RASAL3: variants seen among roughly 807,000 people sequenced by gnomAD.
The protein encoded by RASAL3 is RAS protein activator like-3.
RASAL3 carries 74 observed loss-of-function variants against 105.5 expected under a neutral mutation model. The ratio of observed to expected loss-of-function variants is 0.70; its 90% CI spans 0.58 to 0.85. RASAL3 has a LOEUF of 0.85. Among genes scored for constraint, RASAL3 ranks in the 40% least tolerant of loss-of-function variants. The pLI is 0.00. For missense variants in RASAL3, 1,352 were observed against 1,392.0 expected, an observed-to-expected ratio of 0.97 and a Z score of 0.46; for synonymous variants, 579 against 591.6, an observed-to-expected ratio of 0.98 and a Z score of 0.31.
chr19:15,457,187 TC>T lies in RASAL3; in HGVS notation c.1431+104del, dbSNP rs1168996258. The T allele has an allele frequency of 2.1e-6, 2 of 974,076 alleles. No individual in the cohort carries two copies. Among genetic ancestry groups the T allele is most frequent in the East Asian group, 7.6e-5 (2 of 26,272 alleles). The allele number at this position is 974,076 out of a possible 1,614,324, so 60.3% of individuals were successfully genotyped here. On this transcript the variant is annotated intron_variant, in intron 9 of 17. Coordinates refer to ENST00000343625, the MANE Select transcript of RASAL3 (RefSeq NM_022904.3). This position sits in a 1 kb window ranked among gnomAD's most constrained non-coding sequence, Gnocchi z 8.6. ...GCCCCTCACACCCCTTCAAGGTGTC[TC>T]CCCCATTACAGGTGCAACTCAGGTC...
In RASAL3 at chr19:15,451,868, G is replaced by A; in HGVS notation, c.2963C>T (p.Ser988Phe). 4.3e-6 allele frequency: 7 copies of A among 1,609,202 alleles called. No individual in the cohort carries two copies. Among genetic ancestry groups the A allele is most frequent in the Non-Finnish European group, 5.1e-6 (6 of 1,176,072 alleles). ...ACTCCAAGACCCCCGCGTCCTTGGA[G>A]AAAGCTGCAGGCTCTGGACAGCATC... ...LRDAVQSLQLSPRTRGSWSQP... is the reference protein window; with the variant it reads ...LRDAVQSLQLFPRTRGSWSQP... The change falls in exon 18 of 18, where the codon TCT (serine) becomes TTT (phenylalanine). Residue 988 changes from serine to phenylalanine, a missense_variant. Ser to Phe is a radical substitution (Grantham distance 155). Transcript: ENST00000343625.
At position 15,461,533 on chromosome 19, in the gene RASAL3, A is replaced by C; in HGVS notation, c.403T>G (p.Trp135Gly). 1.3e-6 allele frequency: 2 copies of C among 1,539,032 alleles called. No individual in the cohort carries two copies. The highest frequency in any genetic ancestry group is 1.2e-5 in the South Asian group (1 of 82,188). The change falls in exon 3 of 18, where the codon TGG becomes GGG. Residue 135 changes from tryptophan to glycine, a missense_variant. By Grantham distance (184) the Trp-to-Gly change is radical. Around this residue, in one of 3 missense-constraint regions of RASAL3, gnomAD observed 344 missense variants for 339.6 expected, o/e 1.01. Transcript: ENST00000343625. ...AGCAGGGTGAAGCCCCCAATGTCCC[A>C]GACAGGCACGTTGGGTGTGGGGGCC... is the stretch of plus-strand genomic sequence containing the variant. ...PEAPTPNVPV[W>G]DIGGFTLLDG...
Position 15,454,811 on chromosome 19 carries a change from G to A in RASAL3, c.1804C>T (p.Arg602Ter), listed in dbSNP as rs1051135881. 11 of 1,592,228 alleles carry A rather than the reference G, an allele frequency of 6.9e-6. No individual in the cohort carries two copies. Among genetic ancestry groups the A allele is most frequent in the Admixed American group, 1.8e-5 (1 of 56,088 alleles). Residue 602 changes from arginine (R) to a stop codon, truncating the protein, a stop_gained, in exon 12 of 18, where the codon CGA becomes TGA. Coordinates refer to ENST00000343625, the MANE Select transcript of RASAL3 (RefSeq NM_022904.3). LOFTEE classifies it high-confidence loss of function. ...KERGSEVLGP[R>*]LVCASLFLRL... is the part of the protein sequence containing the mutation. The stretch of plus-strand genomic sequence containing the variant: ...AGGAAGAGGGAGGCGCACACCAGTC[G>A]GGGGCCCAGCACCTCAGAGCCACGT...
At chr19:15,452,194 G>C (rs1970172412) in intron 16 of RASAL3, 86 bp from the exon 17 acceptor site, 1 of 1,389,024 alleles carries the variant, frequency 7.2e-7, no homozygotes, top group Non-Finnish European at 1.0e-6. Context: ...GACTCCGGGG[G>C]CGGAGCTTGG....
At position 15,456,337 on chromosome 19, in the gene RASAL3, C is replaced by A; in HGVS notation, c.1577-89G>T. ...CTCCAACCTTGTCTTCAGGTTATTC[C>A]GGAGGCACCCAACATCTTGGGGAGC... is the stretch of plus-strand genomic sequence containing the variant. On this transcript the variant is annotated intron_variant, in intron 10 of 17. Transcript: ENST00000343625. The surrounding 1 kb of genome is among the most constrained non-coding windows in gnomAD (Gnocchi z 4.4). 6.4e-7 allele frequency: 1 copy of A among 1,559,570 alleles called. No homozygotes were observed.
intron 5 of RASAL3, 62 bp downstream of exon 5, chr19:15,460,998 G>A (rs1970488668): frequency 1.3e-6 from 2 of 1,517,362 alleles, no homozygotes; most frequent in Admixed American, 1.7e-5. Context: ...TGCCCTTTCA[G>A]CTTTGAGGGT....
intron 2 of RASAL3, among the ~76,000 whole-genome samples, chr19:15,461,882 A>G (rs761248264): frequency 2.0e-5 from 3 of 152,172 alleles, no homozygotes; most frequent in Non-Finnish European, 4.4e-5. Flanking sequence ...AAGCCATTCA[A>G]AGGGCTATGA....
intron 6 of RASAL3, 75 bp downstream of exon 6, chr19:15,460,128 G>A: frequency 8.0e-7 from 1 of 1,257,406 alleles, no homozygotes; most frequent in Non-Finnish European, 1.1e-6. Flanking sequence ...GTGTAGATTG[G>A]AATGATATGC....
At chr19:15,464,454 C>T (rs1330345464) in intron 1 of RASAL3, 51 bp downstream of exon 1, 3 of 1,233,638 alleles carry the variant, frequency 2.4e-6, no homozygotes, top group African/African-American at 1.5e-5. Context: ...TCCCCACCCT[C>T]AGCTCTGCCT....
intron 6 of RASAL3, among the ~76,000 whole-genome samples, chr19:15,459,366 C>G (rs774873062): frequency 6.6e-6 from 1 of 151,386 alleles, no homozygotes; most frequent in Non-Finnish European, 1.5e-5. Context: ...CTGCCTCAGC[C>G]TCCTGAGTAA....
rs1427009946 is a variant in RASAL3, at chr19:15,454,658, G to A, written c.1957C>T (p.Pro653Ser). Residue 653 changes from proline to serine, a missense_variant and splice_region_variant, in exon 12 of 18, where the codon CCG becomes TCG. Transcript: ENST00000343625. Reference protein sequence around the residue: ...KVIQNLANRAPFGEKEAYMGF... With the variant: ...KVIQNLANRASFGEKEAYMGF... ...CACCCCTAGCTTCCCAGCACCTACG[G>A]GGCACGGTTGGCGAGGTTCTGGATG... The A allele has an allele frequency of 3.7e-6, 6 of 1,609,660 alleles. No individual in the cohort carries two copies. Among genetic ancestry groups the A allele is most frequent in the Non-Finnish European group, 5.1e-6 (6 of 1,177,024 alleles).
In RASAL3 at chr19:15,456,336, C is replaced by A; in HGVS notation, c.1577-88G>T. On this transcript the variant is annotated intron_variant, in intron 10 of 17. Coordinates refer to ENST00000343625, the MANE Select transcript of RASAL3 (RefSeq NM_022904.3). The surrounding 1 kb of genome is among the most constrained non-coding windows in gnomAD (Gnocchi z 4.4). ...CCTCCAACCTTGTCTTCAGGTTATT[C>A]CGGAGGCACCCAACATCTTGGGGAG... is the stretch of plus-strand genomic sequence containing the variant. The A allele has an allele frequency of 6.4e-7, 1 of 1,559,414 alleles. No homozygotes were observed. Among genetic ancestry groups the A allele is most frequent in the East Asian group, 2.3e-5 (1 of 43,846 alleles).
intron 16 of RASAL3, 80 bp from the exon 17 acceptor site, chr19:15,452,188 C>CCCA: frequency 6.9e-7 from 1 of 1,445,646 alleles, no homozygotes; most frequent in Non-Finnish European, 9.7e-7. Context: ...GCCAGGGACT[C>CCCA]CGGGGGCGGA....
Position 15,457,676 on chromosome 19 carries a change from G to C in RASAL3, c.1047C>G (p.Leu349=). 1 of 1,450,758 alleles carries C rather than the reference G, an allele frequency of 6.9e-7. No individual in the cohort carries two copies. The highest frequency in any genetic ancestry group is 9.1e-7 in the Non-Finnish European group (1 of 1,104,094). The allele number at this position is 1,450,758 out of a possible 1,614,324, so 89.9% of individuals were successfully genotyped here. ...RTAPRAGPGQ[L]FWAERFHFEA... is the part of the protein sequence containing the mutation. ...CGAAGTGGAAGCGCTCGGCCCAGAA[G>C]AGCTGGCCTGGGCCGGCCCGAGGCG... is the stretch of plus-strand genomic sequence containing the variant. Residue 349 remains leucine, a synonymous_variant, in exon 9 of 18, where the codon CTC becomes CTG. Coordinates refer to ENST00000343625, the MANE Select transcript of RASAL3 (RefSeq NM_022904.3). The surrounding 1 kb of genome is among the most constrained non-coding windows in gnomAD (Gnocchi z 8.6).
intron 2 of RASAL3, among the ~76,000 whole-genome samples, chr19:15,463,823 A>T (rs980102674): frequency 6.6e-6 from 1 of 151,960 alleles, no homozygotes; most frequent in Non-Finnish European, 1.5e-5. Context: ...CCTCAGATGG[A>T]CCCTCTGCCC....
At chr19:15,458,088 T>C (rs1970385088) in intron 8 of RASAL3, 2 of 627,628 alleles carry the variant, frequency 3.2e-6, no homozygotes, top group African/African-American at 3.7e-5. Flanking sequence ...GACTTCGCGA[T>C]TGCCTGGCAG....
chr19:15,451,953 G>A lies in RASAL3; in HGVS notation c.2893-15C>T, dbSNP rs1970163901. ...AGGCGGTGCTCCTGGGGAGGCAGTG[G>A]TGATGGGGTTCAGAAACCAGGAGAG... On this transcript the variant is annotated splice_polypyrimidine_tract_variant and intron_variant, in intron 17 of 17. Coordinates refer to ENST00000343625, the MANE Select transcript of RASAL3 (RefSeq NM_022904.3). 4.3e-6 allele frequency: 7 copies of A among 1,611,406 alleles called. No individual in the cohort carries two copies. Among genetic ancestry groups the A allele is most frequent in the Non-Finnish European group, 5.9e-6 (7 of 1,177,930 alleles).
At position 15,458,407 on chromosome 19, in the gene RASAL3, C is replaced by T. The variant is rs1173834333; in HGVS notation, c.809G>A (p.Ser270Asn). The change falls in exon 8 of 18, where the codon AGC becomes AAC. Residue 270 changes from serine (S) to asparagine (N), a missense_variant. This residue lies in a region of RASAL3 where 88 missense variants were observed against 132.7 expected (regional missense o/e 0.66). Transcript: ENST00000343625. ...GGCCGAGCGACAAGAGAAGCAGCGG[C>T]TTCCACCCGTCCAGGTTACCTGTTG... is the stretch of plus-strand genomic sequence containing the variant. Reference protein sequence around the residue: ...HCFQVTWTGGSRCFSCRSAAE... With the variant: ...HCFQVTWTGGNRCFSCRSAAE... 1 of 1,613,906 alleles carries T rather than the reference C, an allele frequency of 6.2e-7. No individual in the cohort carries two copies. The highest frequency in any genetic ancestry group is 1.7e-5 in the Admixed American group (1 of 60,002).
Position 15,456,474 on chromosome 19 carries a change from C to G in RASAL3, c.1576+28G>C. The G allele has an allele frequency of 1.2e-6, 2 of 1,611,518 alleles. No individual in the cohort carries two copies. Among genetic ancestry groups the G allele is most frequent in the South Asian group, 1.1e-5 (1 of 90,820 alleles). ...CAGGTCCCCTAGCTCACCAGCAGGC[C>G]GCTGACATGGACTCTCCCCCAGCTC... is the stretch of plus-strand genomic sequence containing the variant. On this transcript the variant is annotated intron_variant, in intron 10 of 17. Coordinates refer to ENST00000343625, the MANE Select transcript of RASAL3 (RefSeq NM_022904.3). The surrounding 1 kb of genome is among the most constrained non-coding windows in gnomAD (Gnocchi z 4.4).
Sources: gnomAD v4.1 joint callset for allele counts (sites outside exome capture counted in the v4.1 genomes callset) on GRCh38, gnomAD v4.1.1 for gene constraint, gnomAD v4.1.1 regional missense constraint, Gnocchi (gnomAD v3.1) non-coding constraint, MANE v1.5 for transcripts, NCBI Gene and HGNC (gene_info 2026-07-23, HGNC 2026-07-21) for gene names.